The following TRPM1 variants were observed in gnomAD, a reference collection of about 807,000 sequenced individuals.
TRPM1 encodes the protein transient receptor potential cation channel subfamily M member 1.
A neutral mutation model predicts 149.4 loss-of-function variants in TRPM1; 113 were observed. The ratio of observed to expected loss-of-function variants is 0.76; its 90% CI spans 0.65 to 0.88. TRPM1 has a LOEUF of 0.88. Ranked by LOEUF, TRPM1 falls within the 40% of genes least tolerant of loss-of-function variation. TRPM1 has a pLI of 0.00. For missense variants in TRPM1, 1,976 were observed against 2,038.7 expected, an observed-to-expected ratio of 0.97 and a Z score of 0.59; for synonymous variants, 741 against 759.5, an observed-to-expected ratio of 0.98 and a Z score of 0.40.
chr15:31,024,024 T>TTATCA, intron 27 of TRPM1, among the ~76,000 whole-genome samples: 1 of 152,292 alleles, frequency 6.6e-6, no homozygotes, highest in Admixed American at 6.5e-5. Context: ...GTACCCATCC[T>TTATCA]GTGTGAACAC....
At chr15:31,089,411 A>G (rs1044914415) in intron 1 of TRPM1, among the ~76,000 whole-genome samples, 2 of 152,204 alleles carry the variant, frequency 1.3e-5, no homozygotes, top group Non-Finnish European at 2.9e-5. Context: ...TACAGAGTCC[A>G]GTAGGATTTG....
Position 31,062,714 on chromosome 15 carries a change from A to T in TRPM1, c.966-12T>A, listed in dbSNP as rs763981657. On this transcript the variant is annotated splice_polypyrimidine_tract_variant and intron_variant, in intron 8 of 27. Coordinates refer to ENST00000256552, the MANE Select transcript of TRPM1 (RefSeq NM_001252024.2). Reference sequence around the variant, plus strand: ...ACTCATTTATTATTCTGTTCAAAGAAAATGCAAGAGAACAAAACAAGGCAA... The same window carrying T: ...ACTCATTTATTATTCTGTTCAAAGATAATGCAAGAGAACAAAACAAGGCAA... 8.1e-6 allele frequency: 13 copies of T among 1,613,690 alleles called. No individual in the cohort carries two copies. Among genetic ancestry groups the T allele is most frequent in the African/African-American group, 2.7e-5 (2 of 75,070 alleles).
rs572580501 is a variant in TRPM1, at chr15:31,032,739, A to C, written c.2902T>G (p.Phe968Val). 1.2e-6 allele frequency: 2 copies of C among 1,614,172 alleles called. No homozygotes were observed. The highest frequency in any genetic ancestry group is 1.7e-6 in the Non-Finnish European group (2 of 1,180,030). ...IFWYIRVLDIFGVNKYLGPYV... is the reference protein window; with the variant it reads ...IFWYIRVLDIVGVNKYLGPYV... ...GGCCCCAGATACTTGTTGACACCAA[A>C]GATGTCCAGGACACGGATGTACCAG... is the stretch of plus-strand genomic sequence containing the variant. Residue 968 changes from phenylalanine to valine, a missense_variant, in exon 22 of 28, where the codon TTT (phenylalanine) becomes GTT (valine). Around this residue, in one of 3 missense-constraint regions of TRPM1, gnomAD observed 1,332 missense variants for 1,347.1 expected, o/e 0.99. Transcript: ENST00000256552.
At chr15:31,154,624 T>C (rs183646155) in intron 1 of TRPM1, among the ~76,000 whole-genome samples, 302 of 152,342 alleles carry the variant, frequency 2.0e-3, no homozygotes, top group African/African-American at 6.7e-3. Context: ...GACCTCCTTC[T>C]TGCCGGGGGA....
At chr15:31,123,193 C>T (rs2035902757) in intron 1 of TRPM1, among the ~76,000 whole-genome samples, 1 of 152,104 alleles carries the variant, frequency 6.6e-6, no homozygotes, top group African/African-American at 2.4e-5. Context: ...ATTAAAGTGG[C>T]TCACAGGCCT....
In TRPM1 at chr15:31,074,308, G is replaced by A. The variant is rs75081564; in HGVS notation, c.83+2597C>T. 7.8e-3 allele frequency among the ~76,000 whole-genome samples: 1,191 copies of A among 152,090 alleles called. 12 individuals are homozygous for A. Among genetic ancestry groups the A allele is most frequent in the African/African-American group, 0.027 (1,131 of 41,528 alleles). On this transcript the variant is annotated intron_variant, in intron 3 of 27. Coordinates refer to ENST00000256552, the MANE Select transcript of TRPM1 (RefSeq NM_001252024.2). Reference sequence around the variant, plus strand: ...CCTTAAATGTTTTTTAGAATTCATCGAAAAAGCCATGTGGGCCTGGGCTTT... The same window carrying A: ...CCTTAAATGTTTTTTAGAATTCATCAAAAAAGCCATGTGGGCCTGGGCTTT...
chr15:31,085,892 C>T (rs2034986500), intron 1 of TRPM1, among the ~76,000 whole-genome samples: 1 of 152,064 alleles, frequency 6.6e-6, no homozygotes, highest in Non-Finnish European at 1.5e-5. Context: ...GAAAAGATAC[C>T]CTGGACCCGC....
chr15:31,076,979 C>T lies in TRPM1; in HGVS notation c.9G>A (p.Gln3=). The T allele has an allele frequency of 6.2e-7, 1 of 1,610,822 alleles. No individual in the cohort carries two copies. The highest frequency in any genetic ancestry group is 8.5e-7 in the Non-Finnish European group (1 of 1,177,082). Reference sequence around the variant, plus strand: ...AAAAGGTTTTCTCTATCCAAGATTTCTGACCCTGGAAGAGAGAGAGAAGTG... The same window carrying T: ...AAAAGGTTTTCTCTATCCAAGATTTTTGACCCTGGAAGAGAGAGAGAAGTG... MG[Q]KSWIEKTFCK... Residue 3 remains glutamine, a synonymous_variant, in exon 3 of 28, where the codon CAG becomes CAA. Transcript: ENST00000256552.
chr15:31,065,235 G>C lies in TRPM1; in HGVS notation c.790+841C>G, dbSNP rs895085562. 57 of 451,224 alleles carry C rather than the reference G, an allele frequency of 1.3e-4. 1 individual carries two copies. The Admixed American group carries it at 1.3e-3, about 11-fold the overall frequency. The allele number at this position is 451,224 out of a possible 1,614,324, so 28.0% of individuals were successfully genotyped here. A position where few individuals can be genotyped will look rare whatever the true frequency, so the allele number is the denominator to read the frequency against. ...TCGACCAATGTATTCTTCGAGATCT[G>C]ATTCTCGGAAATCTACAACTTTTCC... On this transcript the variant is annotated intron_variant, in intron 7 of 27. Transcript: ENST00000256552.
At chr15:31,087,667 C>A (rs2035040952) in intron 1 of TRPM1, among the ~76,000 whole-genome samples, 2 of 152,076 alleles carry the variant, frequency 1.3e-5, no homozygotes, top group Non-Finnish European at 2.9e-5. Context: ...TGTGATCTAT[C>A]CACACAATGA....
intron 11 of TRPM1, among the ~76,000 whole-genome samples, chr15:31,056,283 C>A (rs2034085372): frequency 6.6e-6 from 1 of 152,166 alleles, no homozygotes; most frequent in African/African-American, 2.4e-5. Context: ...TTTCACAGAG[C>A]TGATTCAGGT....
intron 1 of TRPM1, among the ~76,000 whole-genome samples, chr15:31,137,793 T>C (rs1398434421): frequency 6.6e-6 from 1 of 152,180 alleles, no homozygotes; most frequent in South Asian, 2.1e-4. Context: ...GCAGTTTTCT[T>C]ATAAGAGAAA....
At chr15:31,060,518 T>C (rs780556279) in intron 11 of TRPM1, 26 bp downstream of exon 11, 2 of 1,586,430 alleles carry the variant, frequency 1.3e-6, no homozygotes, top group East Asian at 2.2e-5. Flanking sequence ...AGATCAATGA[T>C]ATGAATCGAA....
chr15:31,050,515 G>A lies in TRPM1; in HGVS notation c.1331C>T (p.Ala444Val). ...TTTTCCTCTTCCTCCCTTGGTGGTG[G>A]CCATGGGTGGCTTCTTCTCCTTCTC... Reference protein sequence around the residue: ...ATEKEKKPPMATTKGGRGKGK... With the variant: ...ATEKEKKPPMVTTKGGRGKGK... Residue 444 changes from alanine (A) to valine (V), a missense_variant, in exon 12 of 28, where the codon GCC becomes GTC. Transcript: ENST00000256552. 1 of 1,613,878 alleles carries A rather than the reference G, an allele frequency of 6.2e-7. No individual in the cohort carries two copies. The highest frequency in any genetic ancestry group is 1.7e-5 in the Admixed American group (1 of 59,986).
At position 31,032,728 on chromosome 15, in the gene TRPM1, G is replaced by T; in HGVS notation, c.2913C>A (p.Asn971Lys). ...YIRVLDIFGV[N>K]KYLGPYVMMI... is the part of the protein sequence containing the mutation. ...TCATCACGTATGGCCCCAGATACTTGTTGACACCAAAGATGTCCAGGACAC... is the reference window on the plus strand; with the variant it reads ...TCATCACGTATGGCCCCAGATACTTTTTGACACCAAAGATGTCCAGGACAC... The change falls in exon 22 of 28, where the codon AAC becomes AAA. Residue 971 changes from asparagine (N) to lysine (K), a missense_variant. By Grantham distance (94) the Asn-to-Lys change is moderately conservative. Coordinates refer to ENST00000256552, the MANE Select transcript of TRPM1 (RefSeq NM_001252024.2). The T allele has an allele frequency of 6.2e-7, 1 of 1,614,134 alleles. No homozygotes were observed.
intron 23 of TRPM1, among the ~76,000 whole-genome samples, chr15:31,030,290 G>T (rs2033006537): frequency 6.6e-6 from 1 of 152,204 alleles, no homozygotes; most frequent in South Asian, 2.1e-4. Flanking sequence ...AAATGAAAAT[G>T]TTGGTCCTGA....
intron 1 of TRPM1, among the ~76,000 whole-genome samples, chr15:31,134,009 G>A (rs761283310): frequency 1.3e-5 from 2 of 152,166 alleles, no homozygotes; most frequent in Non-Finnish European, 2.9e-5. Flanking sequence ...GCAAGTAAGC[G>A]GCCCTCTGGG....
intron 13 of TRPM1, 30 bp downstream of exon 13, chr15:31,049,345 C>T (rs376707802): frequency 4.5e-5 from 72 of 1,614,004 alleles, no homozygotes; most frequent in Middle Eastern, 3.3e-4. Flanking sequence ...GGCTGCCTCC[C>T]GCTTCCTTCC....
chr15:31,139,993 A>T (rs935420643), intron 1 of TRPM1, among the ~76,000 whole-genome samples: 1 of 152,222 alleles, frequency 6.6e-6, no homozygotes, highest in Non-Finnish European at 1.5e-5. Flanking sequence ...ACACTGAAAC[A>T]TTAATTGCTG....
Sources: gnomAD v4.1 joint callset for allele counts (sites outside exome capture counted in the v4.1 genomes callset) on GRCh38, gnomAD v4.1.1 for gene constraint, gnomAD v4.1.1 regional missense constraint, MANE v1.5 for transcripts, NCBI Gene and HGNC (gene_info 2026-07-23, HGNC 2026-07-21) for gene names.